NAALADL2: variants seen among roughly 807,000 people sequenced by gnomAD.
NAALADL2 encodes N-acetylated alpha-linked acidic dipeptidase like 2, also known as inactive N-acetylated-alpha-linked acidic dipeptidase-like protein 2.
In NAALADL2, 76 loss-of-function variants were observed where a neutral mutation model predicts 87.2. The observed-to-expected ratio is 0.87, with a 90% CI of 0.72 to 1.05. The LOEUF is 1.05. NAALADL2 is among the 50% of genes least tolerant of loss of function. NAALADL2 has a pLI of 0.00. For synonymous variants in NAALADL2, 354 were observed against 331.0 expected (o/e 1.07, Z -0.75); for missense variants, 1,089 against 945.8 (o/e 1.15, Z -1.99).
At chr3:175,121,048 C>A (rs1253133523) in intron 2 of NAALADL2, among the ~76,000 whole-genome samples, 1 of 151,730 alleles carries the variant, frequency 6.6e-6, no homozygotes, top group East Asian at 1.9e-4. Context: ...TAAGTGGTAT[C>A]CTACATTCTT....
chr3:175,232,578 A>G (rs576871849), intron 2 of NAALADL2, among the ~76,000 whole-genome samples: 2 of 152,312 alleles, frequency 1.3e-5, no homozygotes, highest in South Asian at 2.1e-4. Context: ...TAAAAATTAA[A>G]AAAATCTTTT....
At chr3:174,909,782 A>G (rs1013400864) in intron 1 of NAALADL2, among the ~76,000 whole-genome samples, 3 of 152,122 alleles carry the variant, frequency 2.0e-5, no homozygotes, top group Admixed American at 6.5e-5. Context: ...CTGTAAAACT[A>G]TCTGTAACAG....
intron 1 of NAALADL2, among the ~76,000 whole-genome samples, chr3:174,967,803 G>A (rs1743093198): frequency 6.6e-6 from 1 of 152,152 alleles, no homozygotes; most frequent in Non-Finnish European, 1.5e-5. Context: ...TCCTTTCTTA[G>A]CACAGCCCAC....
chr3:174,608,673 A>G (rs1455202886), intron 2 of NAALADL2, among the ~76,000 whole-genome samples: 1 of 152,038 alleles, frequency 6.6e-6, no homozygotes, highest in Non-Finnish European at 1.5e-5. Context: ...AATAATCAAT[A>G]GCTTACTAAC....
chr3:175,692,425 C>G (rs982799195), intron 11 of NAALADL2, among the ~76,000 whole-genome samples: 1 of 152,078 alleles, frequency 6.6e-6, no homozygotes, highest in African/African-American at 2.4e-5. Context: ...AGTATTCATT[C>G]TAGCCCTCAC....
chr3:175,095,115 T>C (rs1023322301), intron 1 of NAALADL2, among the ~76,000 whole-genome samples: 5 of 152,080 alleles, frequency 3.3e-5, no homozygotes, highest in Non-Finnish European at 5.9e-5. Flanking sequence ...TCCTCAGCCA[T>C]AGAGTACCAC....
At chr3:175,391,478 A>G (rs1463720125) in intron 5 of NAALADL2, among the ~76,000 whole-genome samples, 2 of 152,188 alleles carry the variant, frequency 1.3e-5, no homozygotes, top group Admixed American at 6.5e-5. Flanking sequence ...AAGCTCATGT[A>G]GCAAGGAACT....
chr3:174,782,753 G>A (rs761266256), intron 3 of NAALADL2, among the ~76,000 whole-genome samples: 34 of 151,924 alleles, frequency 2.2e-4, no homozygotes, highest in Non-Finnish European at 1.0e-4. Flanking sequence ...GAGAGGTGCC[G>A]CGCAAAGGGG....
rs112599444 is a variant in NAALADL2 at position 175,438,938 on chromosome 3, T to G, written c.1091-8291T>G. ...CCTTTAGTGGTGATTTCTGAGATTTTGGTATACCCATCACCCAAGCAGTGT... is the reference window on the plus strand; with the variant it reads ...CCTTTAGTGGTGATTTCTGAGATTTGGGTATACCCATCACCCAAGCAGTGT... On this transcript the variant is annotated intron_variant, in intron 5 of 13. Transcript: ENST00000454872. 2.2e-3 allele frequency among the ~76,000 whole-genome samples: 329 copies of G among 152,230 alleles called. 2 individuals carry two copies. Among genetic ancestry groups the G allele is most frequent in the African/African-American group, 7.7e-3 (319 of 41,552 alleles).
chr3:174,853,376 C>CAAAAAA (rs55826352), intron 3 of NAALADL2, among the ~76,000 whole-genome samples: 1 of 82,506 alleles, frequency 1.2e-5, no homozygotes, highest in Non-Finnish European at 2.3e-5. Flanking sequence ...GACTCAATCT[C>CAAAAAA]AAAAAAAAAA....
intron 11 of NAALADL2, among the ~76,000 whole-genome samples, chr3:175,682,511 T>G (rs931605012): frequency 2.0e-5 from 3 of 152,078 alleles, no homozygotes; most frequent in African/African-American, 7.2e-5. Context: ...GAGCAGCTAC[T>G]GAAGATTGTA....
intron 5 of NAALADL2, among the ~76,000 whole-genome samples, chr3:175,354,754 A>G (rs2148887650): frequency 6.6e-6 from 1 of 151,904 alleles, no homozygotes; most frequent in East Asian, 1.9e-4. Context: ...CTGGGTCTCA[A>G]GTGATCCTCC....
intron 2 of NAALADL2, among the ~76,000 whole-genome samples, chr3:174,706,987 T>G (rs1730134494): frequency 6.6e-6 from 1 of 152,122 alleles, no homozygotes; most frequent in South Asian, 2.1e-4. Flanking sequence ...GGGTGAACGA[T>G]ATGAACAGAC....
At chr3:174,613,996 A>C (rs982558934) in intron 2 of NAALADL2, among the ~76,000 whole-genome samples, 16 of 152,118 alleles carry the variant, frequency 1.1e-4, no homozygotes, top group African/African-American at 3.9e-4. Context: ...TTATTCCTAG[A>C]AAGGGGGTCT....
At chr3:175,465,786 T>C (rs544435644) in intron 7 of NAALADL2, among the ~76,000 whole-genome samples, 1 of 152,308 alleles carries the variant, frequency 6.6e-6, no homozygotes, top group African/African-American at 2.4e-5. Context: ...CTTAATAAAA[T>C]GTTGGCAGAT....
intron 3 of NAALADL2, among the ~76,000 whole-genome samples, chr3:174,823,903 A>G (rs9850103): frequency 0.5 from 75,525 of 151,980 alleles, 19,752 homozygotes; most frequent in African/African-American, 0.66. Context: ...TAGATACGAG[A>G]TTTCACTATG....
At chr3:175,058,580 G>T (rs537456848) in intron 1 of NAALADL2, among the ~76,000 whole-genome samples, 1 of 152,106 alleles carries the variant, frequency 6.6e-6, no homozygotes, top group Non-Finnish European at 1.5e-5. Context: ...TAAGTCGGGG[G>T]GTGCATAATC....
intron 9 of NAALADL2, among the ~76,000 whole-genome samples, chr3:175,541,610 A>C (rs774369125): frequency 1.3e-5 from 2 of 152,216 alleles, no homozygotes; most frequent in African/African-American, 4.8e-5. Flanking sequence ...AAGTTGAACT[A>C]TCTTAAGTCC....
At chr3:174,949,168 TG>T (rs1471488920) in intron 1 of NAALADL2, among the ~76,000 whole-genome samples, 1 of 152,144 alleles carries the variant, frequency 6.6e-6, no homozygotes, top group East Asian at 1.9e-4. Context: ...ACCATCACCC[TG>T]GGGGTGATTA....
Sources: gnomAD v4.1 joint callset for allele counts (sites outside exome capture counted in the v4.1 genomes callset) on GRCh38, gnomAD v4.1.1 for gene constraint, MANE v1.5 for transcripts, NCBI Gene and HGNC (gene_info 2026-07-23, HGNC 2026-07-21) for gene names.